Variants in BCAR3 observed in about 807,000 individuals in gnomAD.
The protein encoded by BCAR3 is BCAR3 adaptor protein, NSP family member.
BCAR3 carries 37 observed loss-of-function variants against 80.1 expected under a neutral mutation model. That is an observed-to-expected ratio of 0.46 (90% confidence interval 0.36 to 0.61). BCAR3 has a LOEUF of 0.61. BCAR3 is among the 20% of genes least tolerant of loss of function. The pLI, the probability that BCAR3 is intolerant of heterozygous loss-of-function variation, is 0.00. For missense variants in BCAR3, 978 were observed against 1,068.2 expected (o/e 0.92, Z 1.18); for synonymous variants, 389 against 418.9 (o/e 0.93, Z 0.87).
chr1:93,757,912 G>A (rs929102928), intron 2 of BCAR3, among the ~76,000 whole-genome samples: 1 of 152,220 alleles, frequency 6.6e-6, no homozygotes, highest in African/African-American at 2.4e-5. Context: ...GGAGAGAAAG[G>A]AGGCTCGGAC....
chr1:93,732,745 A>C (rs1457939734), intron 2 of BCAR3, among the ~76,000 whole-genome samples: 1 of 152,234 alleles, frequency 6.6e-6, no homozygotes, highest in Non-Finnish European at 1.5e-5. Flanking sequence ...TTCAGCCTTG[A>C]TGCCTTCTCC....
intron 8 of BCAR3, among the ~76,000 whole-genome samples, chr1:93,572,522 A>G (rs1001569768): frequency 5.1e-4 from 77 of 152,264 alleles, no homozygotes; most frequent in African/African-American, 1.7e-3. Flanking sequence ...CCTAAACTAC[A>G]TGGGTCAACC....
At chr1:93,606,210 T>TA (rs949786568) in intron 3 of BCAR3, among the ~76,000 whole-genome samples, 26 of 152,258 alleles carry the variant, frequency 1.7e-4, no homozygotes, top group African/African-American at 6.3e-4. Flanking sequence ...ACAAGCATTT[T>TA]AAAAAATGCA....
At chr1:93,775,756 C>T (rs531632550) in intron 2 of BCAR3, among the ~76,000 whole-genome samples, 25 of 152,082 alleles carry the variant, frequency 1.6e-4, no homozygotes, top group South Asian at 2.1e-4. Context: ...GGAAAAAAAG[C>T]GAAGTTGCAA....
chr1:93,777,396 TTCCTCTTCCTCC>T (rs1407036742), intron 2 of BCAR3, among the ~76,000 whole-genome samples: 2,322 of 122,894 alleles, frequency 0.019, 71 homozygotes, highest in African/African-American at 0.077. Flanking sequence ...CTTCCTCTTC[TTCCTCTTCCTCC>T]TCCTCTTCCT....
At position 93,745,677 on chromosome 1, in the gene BCAR3, G is replaced by A. The variant is rs1056388358; in HGVS notation, c.-62-39535C>T. 2.0e-5 allele frequency among the ~76,000 whole-genome samples: 3 copies of A among 152,160 alleles called. No homozygotes were observed. The East Asian group carries it at 5.8e-4, about 29-fold the overall frequency. ...TTCATAACCAGGTGTGGGGTGGGGA[G>A]GCAGGGGTAGCAGGCAGGCAACCCT... is the stretch of plus-strand genomic sequence containing the variant. On this transcript the variant is annotated intron_variant, in intron 2 of 13. Transcript: ENST00000370244.
chr1:93,748,911 C>A (rs1651448737), intron 2 of BCAR3, among the ~76,000 whole-genome samples: 1 of 152,168 alleles, frequency 6.6e-6, no homozygotes, highest in Non-Finnish European at 1.5e-5. Flanking sequence ...GAATGCCCAA[C>A]ACAATGCTGA....
intron 1 of BCAR3, among the ~76,000 whole-genome samples, chr1:93,678,061 A>G (rs2101951633): frequency 6.6e-6 from 1 of 152,326 alleles, no homozygotes; most frequent in South Asian, 2.1e-4. Context: ...AACGTAAACC[A>G]TTGGTTCTCA....
intron 3 of BCAR3, among the ~76,000 whole-genome samples, chr1:93,633,779 C>G (rs776619110): frequency 1.3e-5 from 2 of 152,202 alleles, no homozygotes; most frequent in East Asian, 3.9e-4. Context: ...GGATTACAGG[C>G]GCATGCCACC....
At position 93,597,244 on chromosome 1, in the gene BCAR3, T is replaced by C. The variant is rs185001525; in HGVS notation, c.358-4851A>G. Among the ~76,000 whole-genome samples, 193 of 152,292 alleles carry C rather than the reference T, an allele frequency of 1.3e-3. 1 individual carries two copies. Among genetic ancestry groups the C allele is most frequent in the African/African-American group, 4.5e-3 (186 of 41,558 alleles). On this transcript the variant is annotated intron_variant, in intron 3 of 11. Coordinates refer to ENST00000260502, the MANE Select transcript of BCAR3 (RefSeq NM_003567.4). ...TTCATGTTTGTCCCAGTCATTAGCA[T>C]TGGGGTCTGAGATGAGATGTAGGTA...
At chr1:93,594,135 T>C (rs1021886719) in intron 3 of BCAR3, among the ~76,000 whole-genome samples, 2 of 152,226 alleles carry the variant, frequency 1.3e-5, no homozygotes, top group Non-Finnish European at 2.9e-5. Flanking sequence ...CCCACTAGAC[T>C]GTAAGTTTCA....
chr1:93,578,763 C>T (rs368030742), intron 7 of BCAR3, among the ~76,000 whole-genome samples: 1 of 152,088 alleles, frequency 6.6e-6, no homozygotes, highest in African/African-American at 2.4e-5. Context: ...GCTCCAAGAG[C>T]AGAGACCACA....
intron 2 of BCAR3, among the ~76,000 whole-genome samples, chr1:93,798,723 C>A (rs1314320620): frequency 6.6e-6 from 1 of 152,140 alleles, no homozygotes; most frequent in East Asian, 1.9e-4. Flanking sequence ...AACGACATAG[C>A]TTGTTTGGTA....
In BCAR3 at chr1:93,571,957, T is replaced by TG. The variant is rs1463705712; in HGVS notation, c.1803-117dup. 2.4e-6 allele frequency: 3 copies of TG among 1,248,836 alleles called. No individual in the cohort carries two copies. The African/African-American group carries it at 4.5e-5, about 19-fold the overall frequency. The allele number at this position is 1,248,836 out of a possible 1,614,324, so 77.4% of individuals were successfully genotyped here. On this transcript the variant is annotated intron_variant, in intron 8 of 11. Transcript: ENST00000260502. ...GCCATTTGCTCCTTTTGCTCTAAAA[T>TG]GTGCCGGCAGCACAGTTTAGACGGC...
intron 5 of BCAR3, among the ~76,000 whole-genome samples, chr1:93,587,394 C>T (rs1267491887): frequency 2.0e-5 from 3 of 152,174 alleles, no homozygotes; most frequent in Admixed American, 6.5e-5. Context: ...CTCCTCTGTG[C>T]CTGCACTGTT....
intron 3 of BCAR3, among the ~76,000 whole-genome samples, chr1:93,631,563 G>A (rs933491534): frequency 1.3e-5 from 2 of 152,118 alleles, no homozygotes; most frequent in African/African-American, 2.4e-5. Context: ...AGGTGGACAG[G>A]CCACACCAGA....
At chr1:93,579,462 G>A (rs1673611218) in intron 7 of BCAR3, among the ~76,000 whole-genome samples, 1 of 152,102 alleles carries the variant, frequency 6.6e-6, no homozygotes, top group Admixed American at 6.5e-5. Flanking sequence ...TCGCTGCCTG[G>A]GGACCCCATC....
rs531214554 is a variant in BCAR3, at chr1:93,756,597, A to G, written c.-62-50455T>C. On this transcript the variant is annotated intron_variant, in intron 2 of 13. Transcript: ENST00000370244. Reference sequence around the variant, plus strand: ...AGTCAGTATATGTGCTAATTTTCCAATTCCAATTAAAATGGTTATAAAACA... The same window carrying G: ...AGTCAGTATATGTGCTAATTTTCCAGTTCCAATTAAAATGGTTATAAAACA... 2.6e-5 allele frequency among the ~76,000 whole-genome samples: 4 copies of G among 152,356 alleles called. No homozygotes were observed. In the East Asian group the frequency reaches 7.7e-4, roughly 29 times the overall value.
At chr1:93,768,895 G>A (rs1652252375) in intron 2 of BCAR3, among the ~76,000 whole-genome samples, 1 of 152,168 alleles carries the variant, frequency 6.6e-6, no homozygotes, top group Admixed American at 6.5e-5. Context: ...TAGGTCACCC[G>A]AGGGGACTGA....
Sources: gnomAD v4.1 joint callset for allele counts (sites outside exome capture counted in the v4.1 genomes callset) on GRCh38, gnomAD v4.1.1 for gene constraint, MANE v1.5 for transcripts, NCBI Gene and HGNC (gene_info 2026-07-23, HGNC 2026-07-21) for gene names.